TOP3A: variants seen among roughly 807,000 people sequenced by gnomAD.
TOP3A encodes the protein DNA topoisomerase III alpha.
A neutral mutation model predicts 111.3 loss-of-function variants in TOP3A; 64 were observed. The ratio of observed to expected loss-of-function variants is 0.57; its 90% CI spans 0.47 to 0.71. The LOEUF is 0.71. Among genes scored for constraint, TOP3A ranks in the 30% least tolerant of loss-of-function variants. The pLI is 0.00. For synonymous variants in TOP3A, 484 were observed against 485.1 expected (o/e 1.00, Z 0.03); for missense variants, 1,104 against 1,285.0 (o/e 0.86, Z 2.15).
intron 10 of TOP3A, among the ~76,000 whole-genome samples, chr17:18,293,866 A>C (rs1343109907): frequency 6.6e-6 from 1 of 152,234 alleles, no homozygotes; most frequent in South Asian, 2.1e-4. Flanking sequence ...AAGTGCTAGG[A>C]TTACAGGCGT....
intron 4 of TOP3A, 185 bp downstream of exon 4, chr17:18,306,706 G>GT (rs1981599372): frequency 2.0e-6 from 1 of 505,552 alleles, no homozygotes; most frequent in South Asian, 2.4e-5. Flanking sequence ...CATAAAAAAA[G>GT]TTTACTTCAG....
In TOP3A at chr17:18,280,166, A is replaced by T. The variant is rs9897370; in HGVS notation, c.2144+370T>A. ...ACTGTCTTAAAAAAAATTTTTTTTT[A>T]AATAAAAATTTTTTTTTTTAAAGAG... is the stretch of plus-strand genomic sequence containing the variant. On this transcript the variant is annotated intron_variant, in intron 17 of 18. Coordinates refer to ENST00000321105, the MANE Select transcript of TOP3A (RefSeq NM_004618.5). The T allele has an allele frequency of 4.7e-3, 502 of 105,776 alleles. 4 individuals are homozygous for T. Among genetic ancestry groups the T allele is most frequent in the African/African-American group, 0.02 (480 of 24,070 alleles). The allele number at this position is 105,776 out of a possible 1,614,324, so 6.6% of individuals were successfully genotyped here. A position where few individuals can be genotyped will look rare whatever the true frequency, so the allele number is the denominator to read the frequency against.
At chr17:18,298,139 C>A (rs1490629162) in intron 9 of TOP3A, among the ~76,000 whole-genome samples, 1 of 151,440 alleles carries the variant, frequency 6.6e-6, no homozygotes, top group African/African-American at 2.4e-5. Context: ...AGGAGACCCT[C>A]TGCCTGGCAA....
chr17:18,283,718 C>A (rs944864306), intron 15 of TOP3A, among the ~76,000 whole-genome samples: 12 of 152,174 alleles, frequency 7.9e-5, no homozygotes, highest in African/African-American at 2.9e-4. Flanking sequence ...GTCACAAATC[C>A]CAGGCTGTGA....
intron 17 of TOP3A, 93 bp downstream of exon 17, chr17:18,280,443 A>G: frequency 6.9e-7 from 1 of 1,453,898 alleles, no homozygotes; most frequent in Non-Finnish European, 9.3e-7. Flanking sequence ...CCTGAGTGGA[A>G]TCCCCGACAC....
chr17:18,301,959 C>G lies in TOP3A; in HGVS notation c.841G>C (p.Val281Leu). Reference sequence around the variant, plus strand: ...CGATGCCTTTTCCAGTTGAATTCTACGATACCATCTTTGTGGTCATGAGTT... The same window carrying G: ...CGATGCCTTTTCCAGTTGAATTCTAGGATACCATCTTTGTGGTCATGAGTT... ...KVTHDHKDGI[V>L]EFNWKRHRLF... Residue 281 changes from valine (V) to leucine (L), a missense_variant, in exon 8 of 19, where the codon GTA becomes CTA. Val to Leu is a conservative substitution (Grantham distance 32, BLOSUM62 1). Coordinates refer to ENST00000321105, the MANE Select transcript of TOP3A (RefSeq NM_004618.5). 2.5e-6 allele frequency: 4 copies of G among 1,614,100 alleles called. No individual in the cohort carries two copies. The highest frequency in any genetic ancestry group is 2.5e-6 in the Non-Finnish European group (3 of 1,179,988).
Position 18,314,721 on chromosome 17 carries a change from C to G in TOP3A, c.58G>C (p.Ala20Pro). Residue 20 changes from alanine (A) to proline (P), a missense_variant, in exon 1 of 19, where the codon GCC becomes CCC. Ala to Pro is a conservative substitution (Grantham distance 27). Transcript: ENST00000321105. Reference sequence around the variant, plus strand: ...ATCTCCATGGCGGCGCGGGAAAAGGCACGGTCTTCGGGCCGTCGCAGCCAC... The same window carrying G: ...ATCTCCATGGCGGCGCGGGAAAAGGGACGGTCTTCGGGCCGTCGCAGCCAC... Reference protein sequence around the residue: ...LRWLRRPEDRAFSRAAMEMAL... With the variant: ...LRWLRRPEDRPFSRAAMEMAL... 1 of 1,599,596 alleles carries G rather than the reference C, an allele frequency of 6.3e-7. No individual in the cohort carries two copies. The highest frequency in any genetic ancestry group is 8.5e-7 in the Non-Finnish European group (1 of 1,173,564).
At chr17:18,299,247 G>A (rs186089028) in intron 9 of TOP3A, among the ~76,000 whole-genome samples, 56 of 152,216 alleles carry the variant, frequency 3.7e-4, no homozygotes, top group Non-Finnish European at 7.2e-4. Context: ...TCAACATAGT[G>A]AGATTCCATC....
At position 18,314,959 on chromosome 17, in the gene TOP3A, T is replaced by C; in HGVS notation, c.-181A>G. ...CCTTTCCCGTGCCGCAGCCGCCGCC[T>C]CAGCACCGAATCCAGTATCTTGGCG... On this transcript the variant is annotated 5_prime_UTR_variant, in exon 1 of 19. Coordinates refer to ENST00000321105, the MANE Select transcript of TOP3A (RefSeq NM_004618.5). 1 of 228,200 alleles carries C rather than the reference T, an allele frequency of 4.4e-6. No individual in the cohort carries two copies. Among genetic ancestry groups the C allele is most frequent in the Admixed American group, 5.9e-5 (1 of 17,080 alleles). 14.1% of individuals were successfully genotyped at this position (228,200 alleles called of 1,614,324 possible).
chr17:18,305,605 G>C (rs1014678196), intron 4 of TOP3A, among the ~76,000 whole-genome samples: 18 of 152,132 alleles, frequency 1.2e-4, no homozygotes, highest in African/African-American at 4.3e-4. Flanking sequence ...TTGGGAGGCC[G>C]AGGTGGGTGG....
chr17:18,275,287 C>T (rs1979269487), intron 18 of TOP3A, among the ~76,000 whole-genome samples: 1 of 122,438 alleles, frequency 8.2e-6, no homozygotes, highest in Non-Finnish European at 1.6e-5. Context: ...GAGCAAGACC[C>T]TGTCTCAAAA....
rs912033100 is a variant in TOP3A, at chr17:18,271,978, A to G, written c.*2824T>C. The G allele has an allele frequency of 4.8e-5, 13 of 271,158 alleles. No individual in the cohort carries two copies. The highest frequency in any genetic ancestry group is 1.4e-4 in the African/African-American group (6 of 42,418). 16.8% of individuals were successfully genotyped at this position (271,158 alleles called of 1,614,324 possible). A position where few individuals can be genotyped will look rare whatever the true frequency, so the allele number is the denominator to read the frequency against. Reference sequence around the variant, plus strand: ...CTACTTGGGAGGCTGAGGCAGGAGAACTGCTTGAACCCAGGAGGCAGAGGT... The same window carrying G: ...CTACTTGGGAGGCTGAGGCAGGAGAGCTGCTTGAACCCAGGAGGCAGAGGT... On this transcript the variant is annotated 3_prime_UTR_variant, in exon 19 of 19. Transcript: ENST00000321105.
chr17:18,300,115 T>C (rs1981131895), intron 8 of TOP3A, among the ~76,000 whole-genome samples: 1 of 152,006 alleles, frequency 6.6e-6, no homozygotes, highest in Admixed American at 6.6e-5. Context: ...ATAGGAGAAA[T>C]TGCTGGGCAC....
rs200538529 is a variant in TOP3A at position 18,291,001 on chromosome 17, A to G, written c.1308T>C (p.Phe436=). 2.9e-5 allele frequency: 47 copies of G among 1,614,026 alleles called. No individual in the cohort carries two copies. Among genetic ancestry groups the G allele is most frequent in the Middle Eastern group, 1.6e-4 (1 of 6,084 alleles). ...AGCAAGCCAGGAAATGGCGAACAAT[A>G]AACTCGTACAGTCGCTGTTCATCTC... The part of the protein sequence containing the change: ...LQGDEQRLYE[F]IVRHFLACCS... The change falls in exon 12 of 19, where the codon TTT becomes TTC. Residue 436 remains phenylalanine (F), a synonymous_variant. Coordinates refer to ENST00000321105, the MANE Select transcript of TOP3A (RefSeq NM_004618.5).
intron 9 of TOP3A, among the ~76,000 whole-genome samples, chr17:18,295,941 C>T (rs1980774877): frequency 6.6e-6 from 1 of 151,250 alleles, no homozygotes; most frequent in Admixed American, 6.6e-5. Flanking sequence ...CTGATTTTTT[C>T]TATTTTTAGT....
At chr17:18,292,150 A>C (rs1980517156) in intron 11 of TOP3A, among the ~76,000 whole-genome samples, 1 of 152,272 alleles carries the variant, frequency 6.6e-6, no homozygotes, top group Non-Finnish European at 1.5e-5. Context: ...CTACAGATGT[A>C]AACAAGCCTA....
chr17:18,288,213 C>T (rs1466593272), intron 13 of TOP3A, among the ~76,000 whole-genome samples: 1 of 142,538 alleles, frequency 7.0e-6, no homozygotes, highest in Non-Finnish European at 1.5e-5. Flanking sequence ...AGTGCAGTGG[C>T]ACAATCTTGG....
intron 13 of TOP3A, among the ~76,000 whole-genome samples, chr17:18,288,793 C>T (rs1177406241): frequency 6.6e-6 from 1 of 152,208 alleles, no homozygotes; most frequent in Non-Finnish European, 1.5e-5. Flanking sequence ...TCCCTGCCTA[C>T]TCCCTGCAGA....
At chr17:18,300,642 A>G (rs561622995) in intron 8 of TOP3A, among the ~76,000 whole-genome samples, 4 of 152,090 alleles carry the variant, frequency 2.6e-5, no homozygotes, top group African/African-American at 9.6e-5. Flanking sequence ...TGCAGCCTCA[A>G]TCTGCTGGGC....
Sources: gnomAD v4.1 joint callset for allele counts (sites outside exome capture counted in the v4.1 genomes callset) on GRCh38, gnomAD v4.1.1 for gene constraint, MANE v1.5 for transcripts, NCBI Gene and HGNC (gene_info 2026-07-23, HGNC 2026-07-21) for gene names.